TRIM5: variants seen among roughly 807,000 people sequenced by gnomAD.
TRIM5 encodes the protein tripartite motif-containing protein 5.
Under a neutral mutation model 35.6 loss-of-function variants are expected in TRIM5, and 31 were observed. That is an observed-to-expected ratio of 0.87 (90% confidence interval 0.65 to 1.18). TRIM5 has a LOEUF of 1.18. Among genes scored for constraint, TRIM5 ranks in the 50% most tolerant of loss-of-function variants. TRIM5 has a pLI of 0.00. For missense variants in TRIM5, 609 were observed against 591.6 expected, an observed-to-expected ratio of 1.03 and a Z score of -0.31; for synonymous variants, 243 against 215.6, an observed-to-expected ratio of 1.13 and a Z score of -1.11.
At chr11:5,622,593 G>A in the TRIM5 span, among the ~76,000 whole-genome samples, 1 of 152,020 alleles carries the variant, frequency 6.6e-6, no homozygotes, top group Non-Finnish European at 1.5e-5. Context: ...ACTCCAGTCT[G>A]GGCGACAAGA....
At chr11:5,672,966 ATATT>A (rs1472145903) in intron 4 of TRIM5, among the ~76,000 whole-genome samples, 4 of 152,194 alleles carry the variant, frequency 2.6e-5, no homozygotes, top group African/African-American at 9.6e-5. Context: ...ACATTGGAAA[ATATT>A]TATTTAACAC....
At chr11:5,682,916 T>G (rs12806098) in intron 1 of TRIM5, among the ~76,000 whole-genome samples, 2 of 152,104 alleles carry the variant, frequency 1.3e-5, no homozygotes, top group East Asian at 3.9e-4. Flanking sequence ...AGGCCGGAGC[T>G]GGCTCCCTCA....
chr11:5,681,378 C>T (rs1455326605), intron 1 of TRIM5, among the ~76,000 whole-genome samples: 1 of 152,148 alleles, frequency 6.6e-6, no homozygotes, highest in East Asian at 1.9e-4. Flanking sequence ...TTTTCCAGAG[C>T]TTATATACCT....
At chr11:5,654,597 T>C in the TRIM5 span, among the ~76,000 whole-genome samples, 1 of 152,186 alleles carries the variant, frequency 6.6e-6, no homozygotes, top group Non-Finnish European at 1.5e-5. Flanking sequence ...CTGGGCAGCA[T>C]ACATGGGAGC....
rs776655099 is a variant in TRIM5 at position 5,680,032 on chromosome 11, T to C, written c.146A>G (p.Asp49Gly). The change falls in exon 2 of 8, where the codon GAC (aspartate) becomes GGC (glycine). Residue 49 changes from aspartate (D) to glycine (G), a missense_variant. Asp to Gly is a moderately conservative substitution (Grantham distance 94). Transcript: ENST00000380034. Reference protein sequence around the residue: ...LTANHKKSMLDKGESSCPVCR... With the variant: ...LTANHKKSMLGKGESSCPVCR... ...CACAGGGCAGCTACTCTCTCCTTTGTCTAGCATGGACTTCTTGTGGTTTGC... is the reference window on the plus strand; with the variant it reads ...CACAGGGCAGCTACTCTCTCCTTTGCCTAGCATGGACTTCTTGTGGTTTGC... 5.6e-6 allele frequency: 9 copies of C among 1,614,160 alleles called. No individual in the cohort carries two copies. The highest frequency in any genetic ancestry group is 4.2e-6 in the Non-Finnish European group (5 of 1,180,018).
chr11:5,641,539 A>G, the TRIM5 span, among the ~76,000 whole-genome samples: 3 of 152,174 alleles, frequency 2.0e-5, no homozygotes, highest in Non-Finnish European at 4.4e-5. Context: ...TGTCATACAC[A>G]TGGAGGGCCT....
At chr11:5,592,775 G>A in the TRIM5 span, among the ~76,000 whole-genome samples, 1 of 151,598 alleles carries the variant, frequency 6.6e-6, no homozygotes, top group Non-Finnish European at 1.5e-5. Context: ...AAATTTACCC[G>A]GCACGGTGGT....
In TRIM5 at chr11:5,680,230, C is replaced by T. The variant is rs1852329240; in HGVS notation, c.-53G>A. 2.6e-6 allele frequency: 4 copies of T among 1,515,932 alleles called. No homozygotes were observed. Among genetic ancestry groups the T allele is most frequent in the Admixed American group, 4.2e-5 (2 of 47,648 alleles). 93.9% of individuals were successfully genotyped at this position (1,515,932 alleles called of 1,614,324 possible). A position where few individuals can be genotyped will look rare whatever the true frequency, so the allele number is the denominator to read the frequency against. ...CCTGGCTGCTGAGGTTCCTCTTGTTCACAGATCCCTGCATGATTGGGAAGG... is the reference window on the plus strand; with the variant it reads ...CCTGGCTGCTGAGGTTCCTCTTGTTTACAGATCCCTGCATGATTGGGAAGG... On this transcript the variant is annotated 5_prime_UTR_variant, in exon 2 of 8. Coordinates refer to ENST00000380034, the MANE Select transcript of TRIM5 (RefSeq NM_033034.3).
the TRIM5 span, chr11:5,605,557 A>T: frequency 1.9e-6 from 3 of 1,612,700 alleles, no homozygotes; most frequent in South Asian, 2.2e-5. Flanking sequence ...TCAACAATGG[A>T]GCTGCTGCAG....
chr11:5,659,753 C>T (rs1412822234), downstream of TRIM5, among the ~76,000 whole-genome samples: 1 of 141,236 alleles, frequency 7.1e-6, no homozygotes, highest in Non-Finnish European at 1.6e-5. Flanking sequence ...TCTCTGAAGC[C>T]TTTTTTTTTT....
At chr11:5,615,273 C>T in the TRIM5 span, among the ~76,000 whole-genome samples, 1 of 152,156 alleles carries the variant, frequency 6.6e-6, no homozygotes, top group Non-Finnish European at 1.5e-5. Flanking sequence ...GTTCAATTAA[C>T]ATCATGTTAG....
chr11:5,598,979 C>T, the TRIM5 span, among the ~76,000 whole-genome samples: 1 of 152,160 alleles, frequency 6.6e-6, no homozygotes, highest in South Asian at 2.1e-4. Flanking sequence ...TTCTCCCACT[C>T]CTGGGCCCTG....
At chr11:5,592,527 G>A in the TRIM5 span, among the ~76,000 whole-genome samples, 4 of 152,174 alleles carry the variant, frequency 2.6e-5, no homozygotes, top group East Asian at 5.8e-4. Context: ...CTTAAATACC[G>A]TGCTATATGA....
rs141477452 is a variant in TRIM5, at chr11:5,663,227, G to A, written c.*1582C>T. On this transcript the variant is annotated 3_prime_UTR_variant, in exon 8 of 8. Transcript: ENST00000380034. ...ATGAGTGAAGCTATTCAAAAAACTCGTTTAACTTTTAAAAAACTACATCAG... is the reference window on the plus strand; with the variant it reads ...ATGAGTGAAGCTATTCAAAAAACTCATTTAACTTTTAAAAAACTACATCAG... 0.011 allele frequency: 9,934 copies of A among 943,144 alleles called. 77 individuals are homozygous for A. Among genetic ancestry groups the A allele is most frequent in the Admixed American group, 0.048 (770 of 16,190 alleles). The allele number at this position is 943,144 out of a possible 1,614,324, so 58.4% of individuals were successfully genotyped here.
the TRIM5 span, chr11:5,604,474 G>A: frequency 6.4e-7 from 1 of 1,556,126 alleles, no homozygotes; most frequent in Non-Finnish European, 8.7e-7. Flanking sequence ...TTCATTCTAT[G>A]TCTGGGTACT....
the TRIM5 span, among the ~76,000 whole-genome samples, chr11:5,635,226 T>G: frequency 6.6e-6 from 1 of 151,978 alleles, no homozygotes; most frequent in African/African-American, 2.4e-5. Context: ...TAAAATATGC[T>G]TATTTGTTAT....
chr11:5,618,106 C>T, the TRIM5 span, among the ~76,000 whole-genome samples: 1 of 152,222 alleles, frequency 6.6e-6, no homozygotes, highest in Admixed American at 6.5e-5. Flanking sequence ...CAAGTTACAA[C>T]AGCAGTGTTG....
At chr11:5,641,396 G>A in the TRIM5 span, 1 of 1,310,358 alleles carries the variant, frequency 7.6e-7, no homozygotes, top group Non-Finnish European at 9.9e-7. Context: ...AAATTCAGTG[G>A]TTGAAGTTCA....
chr11:5,671,448 T>A (rs928098623), intron 4 of TRIM5, among the ~76,000 whole-genome samples: 1 of 151,906 alleles, frequency 6.6e-6, no homozygotes, highest in Non-Finnish European at 1.5e-5. Context: ...GCTTAAAGAA[T>A]TGAAGTATAA....
Sources: allele counts gnomAD v4.1 joint callset (sites outside exome capture counted in the v4.1 genomes callset), GRCh38; gene constraint gnomAD v4.1.1; transcripts MANE v1.5; gene names NCBI Gene and HGNC (gene_info 2026-07-23, HGNC 2026-07-21).